PLG: variants seen among roughly 807,000 people sequenced by gnomAD.
The protein encoded by PLG is plasminogen, also known as plasmin.
PLG carries 41 observed loss-of-function variants against 104.4 expected under a neutral mutation model. That is an observed-to-expected ratio of 0.39 (90% confidence interval 0.31 to 0.51). The LOEUF is 0.51. Ranked by LOEUF, PLG falls within the 20% of genes least tolerant of loss-of-function variation. The pLI is 0.76. For synonymous variants in PLG, 337 were observed against 357.1 expected (o/e 0.94, Z 0.63); for missense variants, 891 against 1,003.6 (o/e 0.89, Z 1.52).
intron 10 of PLG, 37 bp downstream of exon 10, chr6:160,722,604 C>T (rs757413544): frequency 1.3e-6 from 2 of 1,592,678 alleles, no homozygotes; most frequent in South Asian, 1.1e-5. Context: ...GGGGCATCAG[C>T]CAACTGAAAT....
At chr6:160,712,730 C>T (rs1288245968) in intron 4 of PLG, among the ~76,000 whole-genome samples, 1 of 152,180 alleles carries the variant, frequency 6.6e-6, no homozygotes, top group Non-Finnish European at 1.5e-5. Flanking sequence ...TTATATTTCT[C>T]CTGACTGTGC....
In PLG at chr6:160,732,271, G is replaced by A. The variant is rs1277061691; in HGVS notation, c.1587+378G>A. Among the ~76,000 whole-genome samples the A allele has an allele frequency of 2.0e-5, 3 of 152,086 alleles. No homozygotes were observed. Among genetic ancestry groups the A allele is most frequent in the African/African-American group, 7.2e-5 (3 of 41,410 alleles). ...GATTTTTCGAGAAAAAATTTGGATG[G>A]GCCATCAGGTCACCATGGGACTTCC... On this transcript the variant is annotated intron_variant, in intron 12 of 18. Coordinates refer to ENST00000308192, the MANE Select transcript of PLG (RefSeq NM_000301.5). This position sits in a 1 kb window ranked among gnomAD's most constrained non-coding sequence, Gnocchi z 4.5.
Position 160,737,645 on chromosome 6 carries a change from G to A in PLG, c.1802+638G>A, listed in dbSNP as rs1049164555. On this transcript the variant is annotated intron_variant, in intron 14 of 18. Coordinates refer to ENST00000308192, the MANE Select transcript of PLG (RefSeq NM_000301.5). The surrounding 1 kb of genome is among the most constrained non-coding windows in gnomAD (Gnocchi z 4.7). ...GGGTATCTCTTAGGAAGCAAGCATA[G>A]GAAACAGGCCCATCCGTCTGCCTGT... 3.3e-5 allele frequency among the ~76,000 whole-genome samples: 5 copies of A among 152,176 alleles called. No individual in the cohort carries two copies. Among genetic ancestry groups the A allele is most frequent in the African/African-American group, 1.2e-4 (5 of 41,448 alleles).
At position 160,726,512 on chromosome 6, in the gene PLG, A is replaced by G. The variant is rs550096896; in HGVS notation, c.1256+3945A>G. 6.6e-6 allele frequency among the ~76,000 whole-genome samples: 1 copy of G among 152,170 alleles called. No individual in the cohort carries two copies. The highest frequency in any genetic ancestry group is 2.4e-5 in the African/African-American group (1 of 41,582). Reference sequence around the variant, plus strand: ...AATGACTTAAGATGGCATTTCTCAAAGTATGCTCTGGAGAAACCTGAAGTC... The same window carrying G: ...AATGACTTAAGATGGCATTTCTCAAGGTATGCTCTGGAGAAACCTGAAGTC... On this transcript the variant is annotated intron_variant, in intron 10 of 18. Transcript: ENST00000308192. The surrounding 1 kb of genome is among the most constrained non-coding windows in gnomAD (Gnocchi z 4.4).
Position 160,713,006 on chromosome 6 carries a change from C to T in PLG, c.428C>T (p.Pro143Leu), listed in dbSNP as rs756944864. The T allele has an allele frequency of 1.2e-6, 2 of 1,610,378 alleles. No individual in the cohort carries two copies. The highest frequency in any genetic ancestry group is 2.2e-5 in the South Asian group (2 of 90,952). ...CCCAGATTCTCACCTGCTACACACC[C>T]CTCAGAGGGACTGGAGGAGAACTAC... is the stretch of plus-strand genomic sequence containing the variant. ...HRPRFSPATH[P>L]SEGLEENYCR... Residue 143 changes from proline (P) to leucine (L), a missense_variant, in exon 5 of 19, where the codon CCC becomes CTC. By Grantham distance (98) the Pro-to-Leu change is moderately conservative (BLOSUM62 -3). Around this residue, in one of 2 missense-constraint regions of PLG, gnomAD observed 854 missense variants for 932.1 expected, o/e 0.92. Coordinates refer to ENST00000308192, the MANE Select transcript of PLG (RefSeq NM_000301.5).
Position 160,723,513 on chromosome 6 carries a change from C to T in PLG, c.1256+946C>T, listed in dbSNP as rs755513155. Among the ~76,000 whole-genome samples, 1 of 152,106 alleles carries T rather than the reference C, an allele frequency of 6.6e-6. No homozygotes were observed. Among genetic ancestry groups the T allele is most frequent in the Admixed American group, 6.5e-5 (1 of 15,278 alleles). Reference sequence around the variant, plus strand: ...AAGAACAAGGAGATGGAGCCCAAGCCGACCACAGCAGTCTTGCTGAACTGA... The same window carrying T: ...AAGAACAAGGAGATGGAGCCCAAGCTGACCACAGCAGTCTTGCTGAACTGA... On this transcript the variant is annotated intron_variant, in intron 10 of 18. Transcript: ENST00000308192. The surrounding 1 kb of genome is among the most constrained non-coding windows in gnomAD (Gnocchi z 4.7).
At position 160,713,065 on chromosome 6, in the gene PLG, T is replaced by C; in HGVS notation, c.487T>C (p.Trp163Arg). 1 of 1,604,136 alleles carries C rather than the reference T, an allele frequency of 6.2e-7. No individual in the cohort carries two copies. Among genetic ancestry groups the C allele is most frequent in the Non-Finnish European group, 8.5e-7 (1 of 1,172,710 alleles). Residue 163 changes from tryptophan (W) to arginine (R), a missense_variant, in exon 5 of 19, where the codon TGG becomes CGG. Physicochemically the swap from Trp to Arg is moderately radical, Grantham distance 101. This residue lies in a region of PLG where 854 missense variants were observed against 932.1 expected (regional missense o/e 0.92). Coordinates refer to ENST00000308192, the MANE Select transcript of PLG (RefSeq NM_000301.5). The part of the protein sequence containing the change: ...RNPDNDPQGP[W>R]CYTTDPEKRY... The stretch of plus-strand genomic sequence containing the variant: ...TCCAGACAACGATCCGCAGGGGCCC[T>C]GGTGCTATACTACTGATCCAGAAAA...
intron 6 of PLG, among the ~76,000 whole-genome samples, chr6:160,716,330 G>A (rs756832764): frequency 4.5e-4 from 68 of 152,192 alleles, no homozygotes; most frequent in Admixed American, 3.4e-3. Context: ...GGGCATGGTG[G>A]CACATGCCTG....
At chr6:160,745,379 T>A (rs1472165250) in intron 17 of PLG, among the ~76,000 whole-genome samples, 1 of 146,252 alleles carries the variant, frequency 6.8e-6, no homozygotes, top group Non-Finnish European at 1.6e-5. Context: ...CTTTTTGAAT[T>A]GAACCCTTTA....
chr6:160,735,059 G>T lies in PLG; in HGVS notation c.1681+971G>T, dbSNP rs1408230294. ...CCTAGGGACACCAAGAGGGAGGAAG[G>T]AGGGGTTAGGATGGTATGAAAGATT... On this transcript the variant is annotated intron_variant, in intron 13 of 18. Transcript: ENST00000308192. The surrounding 1 kb of genome is among the most constrained non-coding windows in gnomAD (Gnocchi z 5.4). Among the ~76,000 whole-genome samples, 1 of 152,160 alleles carries T rather than the reference G, an allele frequency of 6.6e-6. No homozygotes were observed. The highest frequency in any genetic ancestry group is 1.5e-5 in the Non-Finnish European group (1 of 68,020).
At position 160,737,935 on chromosome 6, in the gene PLG, C is replaced by T. The variant is rs1168950383; in HGVS notation, c.1803-603C>T. Reference sequence around the variant, plus strand: ...TCCTCACTGACTTATCAACATGCTACCATCATGCACTTCCTATCTCTATTC... The same window carrying T: ...TCCTCACTGACTTATCAACATGCTATCATCATGCACTTCCTATCTCTATTC... On this transcript the variant is annotated intron_variant, in intron 14 of 18. Transcript: ENST00000308192. The surrounding 1 kb of genome is among the most constrained non-coding windows in gnomAD (Gnocchi z 4.7). 6.6e-6 allele frequency among the ~76,000 whole-genome samples: 1 copy of T among 151,622 alleles called. No homozygotes were observed. The highest frequency in any genetic ancestry group is 2.4e-5 in the African/African-American group (1 of 41,024).
At chr6:160,720,606 G>A (rs1341224763) in intron 9 of PLG, among the ~76,000 whole-genome samples, 2 of 151,676 alleles carry the variant, frequency 1.3e-5, no homozygotes, top group African/African-American at 2.4e-5. Flanking sequence ...TTTTGGTAGA[G>A]ACAGAGTTTC....
chr6:160,714,853 G>A lies in PLG; in HGVS notation c.607G>A (p.Gly203Arg). The change falls in exon 6 of 19, where the codon GGA becomes AGA. Residue 203 changes from glycine (G) to arginine (R), a missense_variant. Gly to Arg is a moderately radical substitution (Grantham distance 125). Around this residue, in one of 2 missense-constraint regions of PLG, gnomAD observed 854 missense variants for 932.1 expected, o/e 0.92. Transcript: ENST00000308192. ...YDGKISKTMS[G>R]LECQAWDSQS... ...CGGCAAAATTTCCAAGACCATGTCT[G>A]GACTGGAATGCCAGGCCTGGGACTC... 1 of 1,613,394 alleles carries A rather than the reference G, an allele frequency of 6.2e-7. No homozygotes were observed. Among genetic ancestry groups the A allele is most frequent in the Non-Finnish European group, 8.5e-7 (1 of 1,179,378 alleles).
At chr6:160,743,254 A>G (rs1778224933) in intron 17 of PLG, among the ~76,000 whole-genome samples, 2 of 152,248 alleles carry the variant, frequency 1.3e-5, no homozygotes, top group South Asian at 2.1e-4. Flanking sequence ...TTTGGGCAGT[A>G]TGGCCATTTT....
chr6:160,713,202 C>G (rs529618560), intron 5 of PLG, 77 bp downstream of exon 5: 3 of 1,098,284 alleles, frequency 2.7e-6, no homozygotes, highest in East Asian at 2.4e-5. Context: ...CCCCTTCCCA[C>G]AGGGATGTTA....
At chr6:160,750,791 T>A (rs534411972) in intron 17 of PLG, among the ~76,000 whole-genome samples, 1 of 152,292 alleles carries the variant, frequency 6.6e-6, no homozygotes, top group East Asian at 1.9e-4. Flanking sequence ...GCAAAGAGTT[T>A]TGCAAAATTT....
chr6:160,704,586 C>T (rs552979306), intron 1 of PLG, among the ~76,000 whole-genome samples: 18 of 152,254 alleles, frequency 1.2e-4, no homozygotes, highest in South Asian at 6.2e-4. Flanking sequence ...GCAGAAAGTG[C>T]GGGGTAAAGA....
chr6:160,751,031 C>T (rs1485882062), intron 17 of PLG, among the ~76,000 whole-genome samples: 1 of 152,140 alleles, frequency 6.6e-6, no homozygotes, highest in Non-Finnish European at 1.5e-5. Flanking sequence ...TGAATCAGGA[C>T]AATTTCAACC....
chr6:160,737,630 T>C lies in PLG; in HGVS notation c.1802+623T>C, dbSNP rs544946013. ...AAGTTCCATTTTCTTGGGTATCTCTTAGGAAGCAAGCATAGGAAACAGGCC... is the reference window on the plus strand; with the variant it reads ...AAGTTCCATTTTCTTGGGTATCTCTCAGGAAGCAAGCATAGGAAACAGGCC... On this transcript the variant is annotated intron_variant, in intron 14 of 18. Transcript: ENST00000308192. The surrounding 1 kb of genome is among the most constrained non-coding windows in gnomAD (Gnocchi z 4.7). 1.3e-3 allele frequency among the ~76,000 whole-genome samples: 194 copies of C among 152,320 alleles called. 2 individuals carry two copies. Among genetic ancestry groups the C allele is most frequent in the African/African-American group, 4.3e-3 (179 of 41,576 alleles).
Sources: gnomAD v4.1 joint callset for allele counts (sites outside exome capture counted in the v4.1 genomes callset) on GRCh38, gnomAD v4.1.1 for gene constraint, gnomAD v4.1.1 regional missense constraint, Gnocchi (gnomAD v3.1) non-coding constraint, MANE v1.5 for transcripts, NCBI Gene and HGNC (gene_info 2026-07-23, HGNC 2026-07-21) for gene names.